Variants in OXR1 observed in about 807,000 individuals in gnomAD.
The protein encoded by OXR1 is oxidation resistance 1.
In OXR1, 41 loss-of-function variants were observed where a neutral mutation model predicts 104.6. That is an observed-to-expected ratio of 0.39 (90% confidence interval 0.31 to 0.51). OXR1 has a LOEUF of 0.51. Ranked by LOEUF, OXR1 falls within the 20% of genes least tolerant of loss-of-function variation. The pLI is 0.77. For synonymous variants in OXR1, 348 were observed against 348.4 expected, an observed-to-expected ratio of 1.00 and a Z score of 0.01; for missense variants, 955 against 1,031.9, an observed-to-expected ratio of 0.93 and a Z score of 1.02.
At chr8:106,723,986 G>C (rs935538667) in intron 11 of OXR1, among the ~76,000 whole-genome samples, 1 of 151,286 alleles carries the variant, frequency 6.6e-6, no homozygotes, top group African/African-American at 2.4e-5. Flanking sequence ...GAGTCTTGCT[G>C]TGTTGCCCAC....
intron 9 of OXR1, among the ~76,000 whole-genome samples, chr8:106,708,863 G>A (rs1831415098): frequency 6.6e-6 from 1 of 151,908 alleles, no homozygotes; most frequent in Non-Finnish European, 1.5e-5. Flanking sequence ...TTTCCATAGT[G>A]GCTGCACCAT....
At chr8:106,556,902 T>C (rs1054738550) in intron 3 of OXR1, among the ~76,000 whole-genome samples, 3 of 152,176 alleles carry the variant, frequency 2.0e-5, no homozygotes, top group African/African-American at 4.8e-5. Flanking sequence ...TTTCCTCCCA[T>C]AGCTTTGAGC....
intron 7 of OXR1, among the ~76,000 whole-genome samples, chr8:106,700,217 CTT>C (rs1224762887): frequency 3.3e-5 from 5 of 152,068 alleles, no homozygotes; most frequent in Admixed American, 6.5e-5. Flanking sequence ...TCATAATAGT[CTT>C]AATATAATCC....
chr8:106,731,844 T>A (rs776968), intron 11 of OXR1, among the ~76,000 whole-genome samples: 1 of 152,090 alleles, frequency 6.6e-6, no homozygotes, highest in African/African-American at 2.4e-5. Context: ...CCAACTTTGT[T>A]CTTTTTCTTC....
intron 2 of OXR1, among the ~76,000 whole-genome samples, chr8:106,431,424 A>G (rs6469071): frequency 0.23 from 34,353 of 152,100 alleles, 5,393 homozygotes; most frequent in African/African-American, 0.42. Context: ...TCAGCTGCCC[A>G]TGTACCTGTG....
chr8:106,703,713 A>G (rs1238018656), intron 8 of OXR1, among the ~76,000 whole-genome samples: 1 of 152,184 alleles, frequency 6.6e-6, no homozygotes, highest in Non-Finnish European at 1.5e-5. Context: ...TTTGAAAGTA[A>G]TATGCTTGTC....
intron 8 of OXR1, among the ~76,000 whole-genome samples, chr8:106,705,093 C>A (rs1831017374): frequency 1.3e-5 from 2 of 152,224 alleles, no homozygotes; most frequent in Non-Finnish European, 1.5e-5. Flanking sequence ...CATATTAAAT[C>A]TGAAGAGTAT....
chr8:106,534,898 C>T (rs900258286), intron 3 of OXR1, among the ~76,000 whole-genome samples: 1 of 152,190 alleles, frequency 6.6e-6, no homozygotes, highest in Non-Finnish European at 1.5e-5. Flanking sequence ...TGGGAAAATA[C>T]ATTATTGATA....
chr8:106,489,228 C>G (rs1233475596), intron 2 of OXR1, among the ~76,000 whole-genome samples: 1 of 151,106 alleles, frequency 6.6e-6, no homozygotes, highest in East Asian at 1.9e-4. Context: ...CTCTGTTTGT[C>G]TGTTGTTGGT....
chr8:106,576,950 T>G (rs1817881800), intron 3 of OXR1, among the ~76,000 whole-genome samples: 1 of 152,206 alleles, frequency 6.6e-6, no homozygotes, highest in African/African-American at 2.4e-5. Context: ...TTTTGTAGTA[T>G]CTCTTAATTC....
chr8:106,354,329 C>T (rs1815867346), intron 1 of OXR1, among the ~76,000 whole-genome samples: 1 of 152,166 alleles, frequency 6.6e-6, no homozygotes, highest in Admixed American at 6.5e-5. Context: ...GCTCTGCTAA[C>T]ATTTATTTGA....
intron 3 of OXR1, among the ~76,000 whole-genome samples, chr8:106,586,036 A>G (rs1211763733): frequency 6.6e-6 from 1 of 152,210 alleles, no homozygotes; most frequent in African/African-American, 2.4e-5. Context: ...CAGTGAAATG[A>G]TAAGTGATTA....
chr8:106,539,087 T>A (rs914970154), intron 3 of OXR1, among the ~76,000 whole-genome samples: 6 of 152,194 alleles, frequency 3.9e-5, no homozygotes, highest in Non-Finnish European at 8.8e-5. Context: ...TGTCATACTA[T>A]CTTGTGGCCA....
intron 2 of OXR1, among the ~76,000 whole-genome samples, chr8:106,382,943 C>T (rs985598055): frequency 6.6e-6 from 1 of 151,634 alleles, no homozygotes; most frequent in African/African-American, 2.4e-5. Context: ...CCCTTAGCTA[C>T]TCTGATTTTG....
At chr8:106,563,393 A>G (rs1392174572) in intron 3 of OXR1, among the ~76,000 whole-genome samples, 2 of 152,166 alleles carry the variant, frequency 1.3e-5, no homozygotes, top group African/African-American at 4.8e-5. Context: ...AAGACAAAGA[A>G]GGACACTACA....
chr8:106,496,820 A>G (rs1487931995), intron 2 of OXR1, among the ~76,000 whole-genome samples: 1 of 152,248 alleles, frequency 6.6e-6, no homozygotes, highest in Non-Finnish European at 1.5e-5. Context: ...CAGCAGGCAC[A>G]GAAACAGCAG....
intron 2 of OXR1, among the ~76,000 whole-genome samples, chr8:106,491,106 G>T (rs930635167): frequency 6.6e-6 from 1 of 152,146 alleles, no homozygotes; most frequent in African/African-American, 2.4e-5. Flanking sequence ...CGCTCAATAT[G>T]CAGGCATCCT....
chr8:106,409,858 C>G (rs559085680), intron 2 of OXR1, among the ~76,000 whole-genome samples: 1 of 152,002 alleles, frequency 6.6e-6, no homozygotes, highest in African/African-American at 2.4e-5. Flanking sequence ...TGATTTTTCT[C>G]CTTAGAGAAT....
chr8:106,623,120 GA>G (rs1211686653), intron 3 of OXR1, among the ~76,000 whole-genome samples: 4 of 152,130 alleles, frequency 2.6e-5, no homozygotes, highest in African/African-American at 9.7e-5. Flanking sequence ...TTAATTAGAA[GA>G]AGAGAGCTAC....
Sources: allele counts gnomAD v4.1 joint callset (sites outside exome capture counted in the v4.1 genomes callset), GRCh38; gene constraint gnomAD v4.1.1; transcripts MANE v1.5; gene names NCBI Gene and HGNC (gene_info 2026-07-23, HGNC 2026-07-21).